The following CEP85 variants were observed in gnomAD, a reference collection of about 807,000 sequenced individuals.
CEP85 encodes the protein centrosomal protein 85.
A neutral mutation model predicts 93.7 loss-of-function variants in CEP85; 58 were observed. The ratio of observed to expected loss-of-function variants is 0.62; its 90% CI spans 0.50 to 0.77. The LOEUF (loss-of-function observed/expected upper bound fraction) is 0.77, where lower values mean the gene tolerates loss of function less well. CEP85 is among the 30% of genes least tolerant of loss of function. The pLI, the probability that CEP85 is intolerant of heterozygous loss-of-function variation, is 0.00. For missense variants in CEP85, 868 were observed against 922.0 expected (o/e 0.94, Z 0.76); for synonymous variants, 314 against 338.6 (o/e 0.93, Z 0.80).
At chr1:26,275,131 C>A in intron 12 of CEP85, 60 bp downstream of exon 12, 1 of 1,252,174 alleles carries the variant, frequency 8.0e-7, no homozygotes, top group Non-Finnish European at 1.1e-6. Context: ...TCTTTGTTTG[C>A]CCTCCCCATC....
intron 3 of CEP85, among the ~76,000 whole-genome samples, chr1:26,252,320 G>A (rs2089631406): frequency 6.6e-6 from 1 of 152,032 alleles, no homozygotes; most frequent in Admixed American, 6.6e-5. Context: ...ATCACCTGAG[G>A]TTGGGAGTTC....
intron 10 of CEP85, chr1:26,271,541 A>AG (rs1553161407): frequency 1.2e-5 from 2 of 171,274 alleles, no homozygotes; most frequent in African/African-American, 2.4e-5. Flanking sequence ...TAAAAAAAAA[A>AG]GAAGACCCAT....
At chr1:26,276,854 T>A in intron 13 of CEP85, 94 bp downstream of exon 13, 2 of 1,003,476 alleles carry the variant, frequency 2.0e-6, no homozygotes, top group Non-Finnish European at 3.0e-6. Context: ...TGGTAATATG[T>A]AGACAGAGTA....
chr1:26,271,131 A>AACGGAGGGT (rs2089968613), intron 10 of CEP85, 24 bp downstream of exon 10: 4 of 1,411,734 alleles, frequency 2.8e-6, no homozygotes, highest in Non-Finnish European at 4.0e-6. Flanking sequence ...TCCAGGCTGT[A>AACGGAGGGT]ACGGAGGGTA....
chr1:26,274,302 A>G (rs10902731), intron 11 of CEP85, among the ~76,000 whole-genome samples: 80,457 of 151,988 alleles, frequency 0.53, 22,664 homozygotes, highest in Non-Finnish European at 0.65. Flanking sequence ...CTTGACTGTT[A>G]ACTCCTAAAA....
At chr1:26,265,499 G>T (rs1449496095) in intron 7 of CEP85, among the ~76,000 whole-genome samples, 1 of 152,150 alleles carries the variant, frequency 6.6e-6, no homozygotes, top group Non-Finnish European at 1.5e-5. Flanking sequence ...CTTGAGTTGG[G>T]AATCTCTCTG....
intron 3 of CEP85, among the ~76,000 whole-genome samples, chr1:26,253,593 G>A (rs1235713861): frequency 6.6e-6 from 1 of 151,668 alleles, no homozygotes; most frequent in East Asian, 2.0e-4. Context: ...GTTTCACCGT[G>A]TTAGCCAGGA....
At chr1:26,240,103 TC>T (rs1028984020) in intron 2 of CEP85, among the ~76,000 whole-genome samples, 33 of 152,294 alleles carry the variant, frequency 2.2e-4, no homozygotes, top group African/African-American at 7.7e-4. Context: ...GGAACATAGT[TC>T]CATTTGAAAT....
At chr1:26,258,700 A>G (rs1328787806) in intron 6 of CEP85, among the ~76,000 whole-genome samples, 2 of 150,472 alleles carry the variant, frequency 1.3e-5, no homozygotes, top group East Asian at 2.0e-4. Flanking sequence ...GGGTTCAAGC[A>G]ATTCTCCTGC....
chr1:26,273,855 C>T (rs2090012959), intron 11 of CEP85, among the ~76,000 whole-genome samples: 1 of 151,578 alleles, frequency 6.6e-6, no homozygotes, highest in South Asian at 2.1e-4. Context: ...CGAGATCACG[C>T]CACTGCACTC....
At chr1:26,250,937 T>TC (rs1557653755) in intron 3 of CEP85, among the ~76,000 whole-genome samples, 26 of 94,624 alleles carry the variant, frequency 2.7e-4, no homozygotes, top group East Asian at 1.7e-3. Context: ...TTTTTCTTTT[T>TC]TTTTTTTTTT....
intron 3 of CEP85, among the ~76,000 whole-genome samples, chr1:26,246,668 G>A (rs1264400026): frequency 2.0e-5 from 3 of 151,624 alleles, no homozygotes; most frequent in South Asian, 4.2e-4. Context: ...GGCAGAGGTT[G>A]CAGTGAGGTG....
chr1:26,270,623 G>C (rs534056903), intron 9 of CEP85, among the ~76,000 whole-genome samples: 5 of 152,372 alleles, frequency 3.3e-5, no homozygotes, highest in Admixed American at 2.0e-4. Flanking sequence ...AGTGGGGTTA[G>C]AGGACAAAGT....
intron 2 of CEP85, among the ~76,000 whole-genome samples, chr1:26,241,376 G>A (rs2089423003): frequency 6.6e-6 from 1 of 150,656 alleles, no homozygotes; most frequent in South Asian, 2.1e-4. Flanking sequence ...CCAAGTAGCT[G>A]GGACTACAGG....
chr1:26,241,785 G>A (rs1048835617), intron 2 of CEP85, among the ~76,000 whole-genome samples: 6 of 150,344 alleles, frequency 4.0e-5, no homozygotes, highest in African/African-American at 1.5e-4. Flanking sequence ...TTTTGGAGAC[G>A]GAGTCTTGTT....
intron 7 of CEP85, chr1:26,262,909 G>T (rs1281826865): frequency 6.6e-6 from 1 of 152,236 alleles, no homozygotes; most frequent in African/African-American, 2.4e-5. Context: ...GCTAAATTTT[G>T]TACTTTTATT....
rs1240625817 is a variant in CEP85, at chr1:26,255,232, A to G, written c.270A>G (p.Pro90=). The stretch of plus-strand genomic sequence containing the variant: ...CCATCAAAAGCCACGTAACCATTCC[A>G]ACAGCCCATGTGATGCCTTCTACTT... ...FQPIKSHVTI[P]TAHVMPSTLG... is the part of the protein sequence containing the mutation. Residue 90 remains proline, a synonymous_variant, in exon 4 of 14, where the codon CCA becomes CCG. Coordinates refer to ENST00000451429, the MANE Select transcript of CEP85 (RefSeq NM_001319944.2). 2.5e-6 allele frequency: 4 copies of G among 1,614,138 alleles called. No homozygotes were observed. The Admixed American group carries it at 6.7e-5, about 27-fold the overall frequency.
At chr1:26,234,929 G>A (rs755148371) in intron 1 of CEP85, among the ~76,000 whole-genome samples, 8 of 152,306 alleles carry the variant, frequency 5.3e-5, no homozygotes, top group East Asian at 3.9e-4. Flanking sequence ...CTTGCTACTG[G>A]CATCTAGTGC....
chr1:26,253,152 G>A (rs902949715), intron 3 of CEP85, among the ~76,000 whole-genome samples: 3 of 151,970 alleles, frequency 2.0e-5, no homozygotes, highest in African/African-American at 7.3e-5. Flanking sequence ...TCTATAACTT[G>A]GCTATTGTGA....
Sources: allele counts gnomAD v4.1 joint callset (sites outside exome capture counted in the v4.1 genomes callset), GRCh38; gene constraint gnomAD v4.1.1; transcripts MANE v1.5; gene names NCBI Gene and HGNC (gene_info 2026-07-23, HGNC 2026-07-21).